Variants in PEX1 observed in about 807,000 individuals in gnomAD.
PEX1 encodes peroxisomal biogenesis factor 1, also known as peroxisomal ATPase PEX1.
A neutral mutation model predicts 152.5 loss-of-function variants in PEX1; 97 were observed. The ratio of observed to expected loss-of-function variants is 0.64; its 90% CI spans 0.54 to 0.75. PEX1 has a LOEUF of 0.75. PEX1 is among the 30% of genes least tolerant of loss of function. The probability of loss-of-function intolerance (pLI) is 0.00; values close to 1 mark genes in which losing one functional copy is unlikely to be tolerated. For missense variants in PEX1, 1,357 were observed against 1,516.3 expected (o/e 0.89, Z 1.74); for synonymous variants, 485 against 531.6 (o/e 0.91, Z 1.21).
At chr7:92,527,666 A>G (rs1793345813) in intron 1 of PEX1, among the ~76,000 whole-genome samples, 1 of 152,218 alleles carries the variant, frequency 6.6e-6, no homozygotes, top group Non-Finnish European at 1.5e-5. Flanking sequence ...TCTATTTTTA[A>G]TTATGAAAAT....
chr7:92,500,322 C>G (rs1333110459), intron 15 of PEX1, among the ~76,000 whole-genome samples: 2 of 152,182 alleles, frequency 1.3e-5, no homozygotes, highest in Non-Finnish European at 2.9e-5. Context: ...AACAAGAGAA[C>G]TTTTTGAACA....
intron 23 of PEX1, among the ~76,000 whole-genome samples, chr7:92,488,669 C>T (rs1562841216): frequency 1.3e-5 from 2 of 151,706 alleles, no homozygotes; most frequent in Non-Finnish European, 2.9e-5. Context: ...ATTTTATAAA[C>T]TATACATTAG....
chr7:92,516,591 CTCTT>C (rs1392548741), intron 5 of PEX1, among the ~76,000 whole-genome samples: 2 of 151,998 alleles, frequency 1.3e-5, no homozygotes. Context: ...ACAAGTTCCT[CTCTT>C]TATCACTATG....
chr7:92,511,702 G>C lies in PEX1; in HGVS notation c.1361C>G (p.Pro454Arg). ...TATGTCTTCTTCACTTATGTCTTTAGGCTGCCAGAAAAAGGAATAGTAATG... is the reference window on the plus strand; with the variant it reads ...TATGTCTTCTTCACTTATGTCTTTACGCTGCCAGAAAAAGGAATAGTAATG... Reference protein sequence around the residue: ...SLKLQPRENLPKDISEEDIKT... With the variant: ...SLKLQPRENLRKDISEEDIKT... The change falls in exon 7 of 24, where the codon CCT becomes CGT. Residue 454 changes from proline (P) to arginine (R), a missense_variant and splice_region_variant. Transcript: ENST00000248633. 5 of 1,611,052 alleles carry C rather than the reference G, an allele frequency of 3.1e-6. No homozygotes were observed. Among genetic ancestry groups the C allele is most frequent in the Non-Finnish European group, 3.4e-6 (4 of 1,178,720 alleles).
Position 92,517,726 on chromosome 7 carries a change from T to C in PEX1, c.789A>G (p.Thr263=), listed in dbSNP as rs564163221. ...FSFQSEKKQE[T]SWGLTEINAF... ...CATTGATTTCAGTTAAACCCCAAGA[T>C]GTCTCTTGTTTCTTCTCAGATTGAA... The change falls in exon 5 of 24, where the codon ACA becomes ACG. Residue 263 remains threonine (T), a synonymous_variant. Transcript: ENST00000248633. The C allele has an allele frequency of 1.9e-6, 3 of 1,611,320 alleles. No homozygotes were observed. The highest frequency in any genetic ancestry group is 2.7e-5 in the African/African-American group (2 of 74,806).
At position 92,489,369 on chromosome 7, in the gene PEX1, G is replaced by A. The variant is rs1393663701; in HGVS notation, c.3691C>T (p.Gln1231Ter). 6.2e-7 allele frequency: 1 copy of A among 1,611,930 alleles called. No homozygotes were observed. Among genetic ancestry groups the A allele is most frequent in the South Asian group, 1.1e-5 (1 of 90,994 alleles). The change falls in exon 23 of 24, where the codon CAG (glutamine) becomes TAG (stop). Residue 1231 changes from glutamine (Q) to a stop codon, truncating the protein, a stop_gained. Transcript: ENST00000248633. LOFTEE classifies it high-confidence loss of function. ...GPIKTRLAIS[Q>*]SHLMTALGHT... Reference sequence around the variant, plus strand: ...CCAAGTGCAGTCATTAAATGTGACTGACTAATAGCCAGTCTGGTTTTGATT... The same window carrying A: ...CCAAGTGCAGTCATTAAATGTGACTAACTAATAGCCAGTCTGGTTTTGATT...
Position 92,489,765 on chromosome 7 carries a change from T to A in PEX1, c.3585A>T (p.Gln1195His). ...CQELTQEQRD[Q>H]LRADISIIKG... is the part of the protein sequence containing the mutation. ...TGATAATACTGATATCTGCCCTCAG[T>A]TGATCTCTTTGTTCTTGTGTAAGTT... The change falls in exon 22 of 24, where the codon CAA becomes CAT. Residue 1195 changes from glutamine (Q) to histidine (H), a missense_variant. By Grantham distance (24) the Gln-to-His change is conservative. Coordinates refer to ENST00000248633, the MANE Select transcript of PEX1 (RefSeq NM_000466.3). The A allele has an allele frequency of 6.2e-7, 1 of 1,614,168 alleles. No individual in the cohort carries two copies. The highest frequency in any genetic ancestry group is 8.5e-7 in the Non-Finnish European group (1 of 1,180,016).
At chr7:92,487,807 A>C (rs1264724225) in intron 23 of PEX1, among the ~76,000 whole-genome samples, 1 of 152,230 alleles carries the variant, frequency 6.6e-6, no homozygotes, top group African/African-American at 2.4e-5. Flanking sequence ...TATAACTTCT[A>C]CACTTTAATC....
intron 2 of PEX1, among the ~76,000 whole-genome samples, chr7:92,520,532 A>G (rs1793004017): frequency 6.6e-6 from 1 of 152,228 alleles, no homozygotes; most frequent in Non-Finnish European, 1.5e-5. Flanking sequence ...CCCCATCTAT[A>G]TAAGTTTTAA....
intron 8 of PEX1, among the ~76,000 whole-genome samples, chr7:92,510,305 A>G (rs1792399798): frequency 6.6e-6 from 1 of 151,902 alleles, no homozygotes; most frequent in South Asian, 2.1e-4. Flanking sequence ...ATCTCTACAA[A>G]ACATACAAAA....
chr7:92,522,194 C>T lies in PEX1; in HGVS notation c.181G>A (p.Val61Met). The T allele has an allele frequency of 6.2e-7, 1 of 1,614,078 alleles. No homozygotes were observed. The highest frequency in any genetic ancestry group is 8.5e-7 in the Non-Finnish European group (1 of 1,179,938). Residue 61 changes from valine to methionine, a missense_variant, in exon 2 of 24, where the codon GTG becomes ATG. Val to Met is a conservative substitution (Grantham distance 21, BLOSUM62 1). Coordinates refer to ENST00000248633, the MANE Select transcript of PEX1 (RefSeq NM_000466.3). ...WSHQPAFLSWVEGRHFSDQGE... is the reference protein window; with the variant it reads ...WSHQPAFLSWMEGRHFSDQGE... Reference sequence around the variant, plus strand: ...TGATCACTAAAATGCCTGCCTTCCACCCAGCTCAAGAATGCAGGCTGGTGA... The same window carrying T: ...TGATCACTAAAATGCCTGCCTTCCATCCAGCTCAAGAATGCAGGCTGGTGA...
intron 13 of PEX1, 81 bp from the exon 14 acceptor site, chr7:92,502,160 T>A (rs1280906299): frequency 9.7e-7 from 1 of 1,028,450 alleles, no homozygotes; most frequent in Non-Finnish European, 1.5e-6. Flanking sequence ...GAAAATCAGG[T>A]TGACAAATCT....
At position 92,505,563 on chromosome 7, in the gene PEX1, T is replaced by C. The variant is rs1269048482; in HGVS notation, c.1901-661A>G. On this transcript the variant is annotated intron_variant, in intron 11 of 23. Coordinates refer to ENST00000248633, the MANE Select transcript of PEX1 (RefSeq NM_000466.3). ...GGATGTGGGAAAACATAAGTGAGAG[T>C]AAGGGATCAAGATTCATTTAAAATC... 1.3e-5 allele frequency among the ~76,000 whole-genome samples: 2 copies of C among 151,936 alleles called. 1 individual carries two copies. Among genetic ancestry groups the C allele is most frequent in the Admixed American group, 1.3e-4 (2 of 15,242 alleles).
chr7:92,515,429 T>C (rs1792694481), intron 5 of PEX1, among the ~76,000 whole-genome samples: 1 of 152,102 alleles, frequency 6.6e-6, no homozygotes, highest in Non-Finnish European at 1.5e-5. Context: ...GCCAAGTCCA[T>C]TTTAGTACCT....
intron 2 of PEX1, among the ~76,000 whole-genome samples, chr7:92,520,992 A>G (rs1793025186): frequency 6.6e-6 from 1 of 151,912 alleles, no homozygotes; most frequent in Non-Finnish European, 1.5e-5. Flanking sequence ...TCTTCTTTTA[A>G]GAGATAGGGT....
At chr7:92,519,781 T>C (rs1792973256) in intron 2 of PEX1, among the ~76,000 whole-genome samples, 2 of 152,192 alleles carry the variant, frequency 1.3e-5, no homozygotes, top group South Asian at 4.1e-4. Context: ...ATAGTTTAAA[T>C]ATATGTAACA....
chr7:92,499,316 T>C (rs374888122), intron 16 of PEX1, among the ~76,000 whole-genome samples: 6 of 152,340 alleles, frequency 3.9e-5, no homozygotes, highest in African/African-American at 1.4e-4. Flanking sequence ...AATTCAAATG[T>C]TCACCACTGA....
rs374167385 is a variant in PEX1 at position 92,494,571 on chromosome 7, G to A, written c.2842C>T (p.Arg948Trp). ...FFDEFESIAP[R>W]RGHDNTGVTD... ...ACTCCTGTATTATCATGACCCCGCC[G>A]AGGAGCAATGGATTCAAATTCATCA... Residue 948 changes from arginine (R) to tryptophan (W), a missense_variant, in exon 18 of 24, where the codon CGG becomes TGG. By Grantham distance (101) the Arg-to-Trp change is moderately radical (BLOSUM62 -3). Transcript: ENST00000248633. 206 of 1,613,770 alleles carry A rather than the reference G, an allele frequency of 1.3e-4. 1 individual carries two copies. Among genetic ancestry groups the A allele is most frequent in the Admixed American group, 3.8e-4 (23 of 59,990 alleles).
At chr7:92,487,659 GA>G (rs910209941) in intron 23 of PEX1, 118 bp from the exon 24 acceptor site, 35 of 456,908 alleles carry the variant, frequency 7.7e-5, no homozygotes, top group South Asian at 1.4e-4. Flanking sequence ...TAACAAACTA[GA>G]AAAAAAAATT....
Sources: allele counts gnomAD v4.1 joint callset (sites outside exome capture counted in the v4.1 genomes callset), GRCh38; gene constraint gnomAD v4.1.1; transcripts MANE v1.5; gene names NCBI Gene and HGNC (gene_info 2026-07-23, HGNC 2026-07-21).